The following UBR3 variants were observed in gnomAD, a reference collection of about 807,000 sequenced individuals.
UBR3 encodes ubiquitin protein ligase E3 component n-recognin 3, also known as E3 ubiquitin-protein ligase UBR3.
In UBR3, 85 loss-of-function variants were observed where a neutral mutation model predicts 243.2. The observed-to-expected ratio is 0.35, with a 90% CI of 0.29 to 0.42. The LOEUF (loss-of-function observed/expected upper bound fraction) is 0.42. UBR3 is among the 10% of genes least tolerant of loss of function. UBR3 has a pLI of 1.00. For synonymous variants in UBR3, 748 were observed against 799.8 expected, an observed-to-expected ratio of 0.94 and a Z score of 1.09; for missense variants, 1,686 against 2,300.8, an observed-to-expected ratio of 0.73 and a Z score of 5.47.
chr2:170,061,020 C>T, intron 33 of UBR3, 59 bp from the exon 34 acceptor site: 1 of 1,125,722 alleles, frequency 8.9e-7, no homozygotes, highest in Non-Finnish European at 1.2e-6. Flanking sequence ...AAATTATTTC[C>T]AATGTAAATT....
intron 22 of UBR3, chr2:169,948,036 T>A: frequency 3.2e-6 from 2 of 623,734 alleles, no homozygotes; most frequent in Non-Finnish European, 4.0e-6. Context: ...GGTGTTTAAT[T>A]AATATGGTTA....
At chr2:169,964,402 A>T in intron 24 of UBR3, 3 of 470,438 alleles carry the variant, frequency 6.4e-6, no homozygotes, top group Non-Finnish European at 1.3e-5. Flanking sequence ...GTGAGACAAA[A>T]CAAAAACAAT....
chr2:170,072,921 G>A (rs1437833142), intron 35 of UBR3, among the ~76,000 whole-genome samples: 1 of 152,078 alleles, frequency 6.6e-6, no homozygotes, highest in African/African-American at 2.4e-5. Context: ...AGCAAATAGA[G>A]CTTTGGATTA....
At position 170,077,253 on chromosome 2, in the gene UBR3, C is replaced by T. The variant is rs2091829130; in HGVS notation, c.5200-2561C>T. 7 of 735,514 alleles carry T rather than the reference C, an allele frequency of 9.5e-6. No homozygotes were observed. The Admixed American group carries it at 1.2e-4, about 13-fold the overall frequency. The allele number at this position is 735,514 out of a possible 1,614,324, so 45.6% of individuals were successfully genotyped here. A position where few individuals can be genotyped will look rare whatever the true frequency, so the allele number is the denominator to read the frequency against. ...ACCAGTAAGACTGCATTTATACATCCATCATTTTCAGGATTGTTGGTAACC... is the reference window on the plus strand; with the variant it reads ...ACCAGTAAGACTGCATTTATACATCTATCATTTTCAGGATTGTTGGTAACC... On this transcript the variant is annotated intron_variant, in intron 36 of 38. Coordinates refer to ENST00000272793, the MANE Select transcript of UBR3 (RefSeq NM_172070.4).
intron 31 of UBR3, among the ~76,000 whole-genome samples, chr2:170,038,651 GC>G (rs1350018449): frequency 6.6e-6 from 1 of 152,142 alleles, no homozygotes; most frequent in Non-Finnish European, 1.5e-5. Context: ...AGAGAAGATG[GC>G]TTTGGGATGT....
chr2:169,875,347 T>TG (rs1359306017), intron 2 of UBR3, among the ~76,000 whole-genome samples: 1 of 152,164 alleles, frequency 6.6e-6, no homozygotes, highest in Non-Finnish European at 1.5e-5. Context: ...TTGTTGTTTT[T>TG]GAGATGGGGT....
chr2:170,064,553 C>T (rs1166747829), intron 35 of UBR3, among the ~76,000 whole-genome samples: 2 of 151,796 alleles, frequency 1.3e-5, no homozygotes, highest in Non-Finnish European at 2.9e-5. Context: ...TGAGGTAAAG[C>T]TCTAATTTTT....
intron 1 of UBR3, among the ~76,000 whole-genome samples, chr2:169,845,841 C>T (rs2082461989): frequency 6.6e-6 from 1 of 152,108 alleles, no homozygotes; most frequent in African/African-American, 2.4e-5. Context: ...GCCTCAGCCT[C>T]CCAGAATGCT....
intron 1 of UBR3, among the ~76,000 whole-genome samples, chr2:169,855,830 G>A (rs1011880986): frequency 3.3e-5 from 5 of 152,322 alleles, no homozygotes; most frequent in East Asian, 3.8e-4. Flanking sequence ...AACCGCCATC[G>A]TCATCATGGC....
intron 1 of UBR3, among the ~76,000 whole-genome samples, chr2:169,844,751 C>T (rs934097042): frequency 2.0e-5 from 3 of 152,174 alleles, no homozygotes; most frequent in African/African-American, 7.2e-5. Context: ...CTACGTCGGC[C>T]TCTCAAAGTG....
At chr2:169,898,587 C>T (rs2084681594) in intron 8 of UBR3, among the ~76,000 whole-genome samples, 3 of 151,798 alleles carry the variant, frequency 2.0e-5, no homozygotes, top group Admixed American at 6.6e-5. Flanking sequence ...CTCTTTCTTA[C>T]CTACTTTGTG....
At chr2:169,967,301 G>A (rs1442695436) in intron 24 of UBR3, among the ~76,000 whole-genome samples, 4 of 138,714 alleles carry the variant, frequency 2.9e-5, no homozygotes, top group Non-Finnish European at 6.0e-5. Flanking sequence ...CTATAGATAG[G>A]AAGGGATAGA....
intron 31 of UBR3, among the ~76,000 whole-genome samples, chr2:170,037,673 C>T (rs1185190800): frequency 6.6e-6 from 1 of 152,140 alleles, no homozygotes; most frequent in East Asian, 1.9e-4. Flanking sequence ...CAGGCGTGAG[C>T]CACTGCATCT....
At chr2:170,001,910 C>T (rs1261735470) in intron 27 of UBR3, among the ~76,000 whole-genome samples, 1 of 16,652 alleles carries the variant, frequency 6.0e-5, no homozygotes, top group Non-Finnish European at 9.2e-5. Flanking sequence ...GAGACTCCAT[C>T]TCAAAAAAAA....
chr2:169,878,253 T>C (rs2083688709), intron 4 of UBR3, among the ~76,000 whole-genome samples: 1 of 151,456 alleles, frequency 6.6e-6, no homozygotes, highest in Non-Finnish European at 1.5e-5. Flanking sequence ...CCCAGCTACT[T>C]GGGAAGCTGA....
chr2:169,882,151 T>A (rs1380204229), intron 5 of UBR3, among the ~76,000 whole-genome samples: 1 of 131,576 alleles, frequency 7.6e-6, no homozygotes, highest in African/African-American at 2.9e-5. Flanking sequence ...ATTATATATG[T>A]ATATATATTT....
At chr2:169,838,001 A>T (rs2082163084) in intron 1 of UBR3, among the ~76,000 whole-genome samples, 1 of 152,188 alleles carries the variant, frequency 6.6e-6, no homozygotes, top group Non-Finnish European at 1.5e-5. Flanking sequence ...ATTAAAATGT[A>T]TTTTGATATG....
intron 30 of UBR3, among the ~76,000 whole-genome samples, chr2:170,019,071 T>G (rs1223870096): frequency 6.6e-6 from 1 of 152,188 alleles, no homozygotes; most frequent in Admixed American, 6.6e-5. Flanking sequence ...GTCTGAGAAT[T>G]TGTCTGCTTA....
At chr2:169,973,447 C>T (rs558319029) in intron 24 of UBR3, among the ~76,000 whole-genome samples, 1 of 151,164 alleles carries the variant, frequency 6.6e-6, no homozygotes, top group East Asian at 2.0e-4. Context: ...AAAAAGAGCC[C>T]GCATCGCCAA....
Sources: allele counts gnomAD v4.1 joint callset (sites outside exome capture counted in the v4.1 genomes callset), GRCh38; gene constraint gnomAD v4.1.1; transcripts MANE v1.5; gene names NCBI Gene and HGNC (gene_info 2026-07-23, HGNC 2026-07-21).